Variants in CIB1 observed in about 807,000 individuals in gnomAD.
CIB1 encodes calcium and integrin binding 1.
Under a neutral mutation model 25.0 loss-of-function variants are expected in CIB1, and 19 were observed. That is an observed-to-expected ratio of 0.76 (90% confidence interval 0.53 to 1.12). The LOEUF is 1.12. Ranked by LOEUF, CIB1 falls within the 50% of genes most tolerant of loss-of-function variation. The pLI is 0.00. For synonymous variants in CIB1, 104 were observed against 98.5 expected (o/e 1.06, Z -0.33); for missense variants, 236 against 242.6 (o/e 0.97, Z 0.18).
At chr15:90,251,107 G>T in the CIB1 span, among the ~76,000 whole-genome samples, 3 of 118,110 alleles carry the variant, frequency 2.5e-5, no homozygotes, top group Admixed American at 9.7e-5. Flanking sequence ...ATGTCATCCT[G>T]GTCTGTCTTT....
At chr15:90,250,961 G>A in the CIB1 span, 2 of 1,537,044 alleles carry the variant, frequency 1.3e-6, no homozygotes, top group Non-Finnish European at 8.8e-7. Context: ...AACATCTGGA[G>A]GAGCTGGGAT....
chr15:90,264,853 C>G, the CIB1 span: 3 of 1,535,984 alleles, frequency 2.0e-6, 1 homozygote, highest in African/African-American at 2.7e-5. Flanking sequence ...CTGAATGCAC[C>G]TTGCCCTCCA....
chr15:90,246,056 C>T, the CIB1 span, among the ~76,000 whole-genome samples: 49,224 of 151,870 alleles, frequency 0.32, 8,835 homozygotes, highest in East Asian at 0.69. Context: ...GGCAGATCAC[C>T]GGAGGTCAGG....
chr15:90,241,656 C>G, the CIB1 span: 62 of 1,614,122 alleles, frequency 3.8e-5, no homozygotes, highest in South Asian at 6.8e-4. Context: ...GCTCCAGGAC[C>G]TCCCAGCTCC....
chr15:90,231,616 TG>T lies in CIB1; in HGVS notation c.196-110del, dbSNP rs2151635200. ...ACCAGCACCAGCGAGCTCAGCCTCG[TG>T]GGGGTGAACAGTCAGTGCTTTGGGG... On this transcript the variant is annotated intron_variant, in intron 3 of 6. Coordinates refer to ENST00000328649, the MANE Select transcript of CIB1 (RefSeq NM_006384.4). 10 of 1,313,204 alleles carry T rather than the reference TG, an allele frequency of 7.6e-6. No individual in the cohort carries two copies. In the South Asian group the frequency reaches 1.1e-4, roughly 15 times the overall value. The allele number at this position is 1,313,204 out of a possible 1,614,324, so 81.3% of individuals were successfully genotyped here. A position where few individuals can be genotyped will look rare whatever the true frequency, so the allele number is the denominator to read the frequency against.
At chr15:90,263,510 C>G in the CIB1 span, 4 of 527,026 alleles carry the variant, frequency 7.6e-6, no homozygotes, top group Admixed American at 1.0e-4. Context: ...TGCCCCAGCT[C>G]TAATGGGAGA....
chr15:90,262,732 G>A, the CIB1 span: 1 of 1,389,234 alleles, frequency 7.2e-7, no homozygotes, highest in Non-Finnish European at 9.5e-7. Context: ...ACTAGATAGG[G>A]GAATGAATCT....
At chr15:90,263,865 C>T in the CIB1 span, 1 of 943,066 alleles carries the variant, frequency 1.1e-6, no homozygotes, top group Non-Finnish European at 1.7e-6. Flanking sequence ...CAGTTCTGCC[C>T]CATGAATCAA....
the CIB1 span, chr15:90,255,978 G>A: frequency 6.3e-7 from 1 of 1,591,198 alleles, no homozygotes; most frequent in Non-Finnish European, 8.6e-7. Flanking sequence ...ATGTCTCAGA[G>A]GGATGGAAGT....
chr15:90,262,389 G>C, the CIB1 span: 1 of 1,299,448 alleles, frequency 7.7e-7, no homozygotes, highest in African/African-American at 1.5e-5. Context: ...TCAGTCCTAA[G>C]AACAGATTGT....
chr15:90,264,697 G>A, the CIB1 span: 2 of 1,534,060 alleles, frequency 1.3e-6, no homozygotes, highest in East Asian at 4.9e-5. Context: ...ACCAACTCAG[G>A]GACATCCATG....
chr15:90,260,159 T>C, the CIB1 span, among the ~76,000 whole-genome samples: 3 of 152,186 alleles, frequency 2.0e-5, no homozygotes, highest in Non-Finnish European at 4.4e-5. Context: ...CTGGACTAAA[T>C]AAACAAAATA....
chr15:90,249,323 G>T, the CIB1 span, among the ~76,000 whole-genome samples: 10 of 152,272 alleles, frequency 6.6e-5, no homozygotes, highest in Non-Finnish European at 1.0e-4. Flanking sequence ...GGAAAGATGG[G>T]AGTGCGGCGA....
upstream of CIB1, among the ~76,000 whole-genome samples, chr15:90,236,846 C>A (rs543599254): frequency 7.8e-4 from 119 of 152,222 alleles, no homozygotes; most frequent in Middle Eastern, 0.01. Context: ...ATTAAATGGG[C>A]AGTCTGAATC....
At chr15:90,243,877 A>G in the CIB1 span, 3 of 150,500 alleles carry the variant, frequency 2.0e-5, no homozygotes, top group Admixed American at 1.3e-4. Flanking sequence ...CCTGGCCTCA[A>G]GATCCTCCCA....
chr15:90,257,149 T>G, the CIB1 span: 6 of 1,613,346 alleles, frequency 3.7e-6, no homozygotes, highest in Non-Finnish European at 5.1e-6. Flanking sequence ...CCCTCCTCAT[T>G]GATGGCTTCA....
the CIB1 span, among the ~76,000 whole-genome samples, chr15:90,256,611 T>TTTC: frequency 6.0e-3 from 259 of 43,164 alleles, 2 homozygotes; most frequent in African/African-American, 0.032. Flanking sequence ...CTTTCTTTCC[T>TTTC]TCCTTCCTTC....
chr15:90,237,709 T>TC (rs1825787345), upstream of CIB1, among the ~76,000 whole-genome samples: 1 of 152,216 alleles, frequency 6.6e-6, no homozygotes. Context: ...CTCTTTTTTT[T>TC]CTCCTTTTTT....
Position 90,231,393 on chromosome 15 carries a change from G to C in CIB1, c.310C>G (p.Pro104Ala), listed in dbSNP as rs910498462. The C allele has an allele frequency of 6.2e-7, 1 of 1,614,192 alleles. No individual in the cohort carries two copies. The highest frequency in any genetic ancestry group is 8.5e-7 in the Non-Finnish European group (1 of 1,180,022). ...LLSVFSDTAT[P>A]DIKSHYAFRI... ...AAGGCATAATGGGACTTGATGTCTG[G>C]CGTGGCTGTGTCACTGAACACACTG... Residue 104 changes from proline (P) to alanine (A), a missense_variant, in exon 4 of 7, where the codon CCA (proline) becomes GCA (alanine). By Grantham distance (27) the Pro-to-Ala change is conservative (BLOSUM62 -1). Transcript: ENST00000328649.
Sources: allele counts gnomAD v4.1 joint callset (sites outside exome capture counted in the v4.1 genomes callset), GRCh38; gene constraint gnomAD v4.1.1; transcripts MANE v1.5; gene names NCBI Gene and HGNC (gene_info 2026-07-23, HGNC 2026-07-21).